SDCCAG8: variants seen among roughly 807,000 people sequenced by gnomAD.
SDCCAG8 encodes the protein serologically defined colon cancer antigen 8.
A neutral mutation model predicts 101.8 loss-of-function variants in SDCCAG8; 74 were observed. That is an observed-to-expected ratio of 0.73 (90% CI 0.60 to 0.88). SDCCAG8 has a LOEUF of 0.88. Ranked by LOEUF, SDCCAG8 falls within the 40% of genes least tolerant of loss-of-function variation. The pLI is 0.00. For missense variants in SDCCAG8, 787 were observed against 822.6 expected, an observed-to-expected ratio of 0.96 and a Z score of 0.53; for synonymous variants, 281 against 292.9, an observed-to-expected ratio of 0.96 and a Z score of 0.41.
chr1:243,311,382 C>T (rs946874167), intron 8 of SDCCAG8, among the ~76,000 whole-genome samples: 3 of 151,640 alleles, frequency 2.0e-5, no homozygotes, highest in Admixed American at 6.6e-5. Flanking sequence ...TTTTCCCCTT[C>T]GAGGTTCATA....
chr1:243,384,554 C>T (rs2147923140), intron 13 of SDCCAG8, among the ~76,000 whole-genome samples: 1 of 151,720 alleles, frequency 6.6e-6, no homozygotes, highest in African/African-American at 2.4e-5. Context: ...TAGTAAAGTG[C>T]ACCAGGCCTC....
intron 16 of SDCCAG8, among the ~76,000 whole-genome samples, chr1:243,477,585 T>C (rs909235784): frequency 6.6e-6 from 1 of 152,266 alleles, no homozygotes; most frequent in Admixed American, 6.5e-5. Context: ...ACAGATCTAA[T>C]TGCCCTAAGA....
chr1:243,367,828 A>G (rs1011644441), intron 12 of SDCCAG8, among the ~76,000 whole-genome samples: 7 of 151,020 alleles, frequency 4.6e-5, no homozygotes, highest in African/African-American at 1.7e-4. Flanking sequence ...GTATAAAATT[A>G]GTCTTATATA....
intron 16 of SDCCAG8, among the ~76,000 whole-genome samples, chr1:243,462,872 A>AC (rs1659409965): frequency 6.6e-6 from 1 of 152,174 alleles, no homozygotes; most frequent in African/African-American, 2.4e-5. Flanking sequence ...ACAAAACAAA[A>AC]AAAAACCCTA....
At chr1:243,445,254 C>G (rs1457644350) in intron 16 of SDCCAG8, among the ~76,000 whole-genome samples, 1 of 152,166 alleles carries the variant, frequency 6.6e-6, no homozygotes, top group African/African-American at 2.4e-5. Flanking sequence ...AACTTCACCT[C>G]TTGTCGTCTA....
chr1:243,496,573 G>C (rs1667962759), intron 17 of SDCCAG8, among the ~76,000 whole-genome samples: 1 of 152,240 alleles, frequency 6.6e-6, no homozygotes, highest in Admixed American at 6.5e-5. Context: ...GTTACCTTCA[G>C]AAGGGTTGGC....
chr1:243,325,840 T>C (rs1289215198), intron 9 of SDCCAG8, among the ~76,000 whole-genome samples: 1 of 152,196 alleles, frequency 6.6e-6, no homozygotes, highest in Non-Finnish European at 1.5e-5. Context: ...TCAATAAATA[T>C]TTTTGTTTGA....
intron 12 of SDCCAG8, among the ~76,000 whole-genome samples, chr1:243,354,562 G>A (rs1330578540): frequency 6.6e-6 from 1 of 152,240 alleles, no homozygotes; most frequent in Non-Finnish European, 1.5e-5. Flanking sequence ...GTCAAAGGTA[G>A]TATTGTGCGA....
chr1:243,315,412 A>G (rs1411608987), intron 8 of SDCCAG8, among the ~76,000 whole-genome samples: 1 of 152,024 alleles, frequency 6.6e-6, no homozygotes, highest in Non-Finnish European at 1.5e-5. Flanking sequence ...TTCTTTTTTC[A>G]TTTCCTTGGA....
intron 12 of SDCCAG8, among the ~76,000 whole-genome samples, chr1:243,358,031 G>C (rs2147841224): frequency 6.6e-6 from 1 of 152,142 alleles, no homozygotes; most frequent in Admixed American, 6.5e-5. Flanking sequence ...CTTTGGATTA[G>C]GTAATGGTTT....
chr1:243,336,456 T>C (rs2783967), intron 10 of SDCCAG8, among the ~76,000 whole-genome samples: 74,826 of 151,692 alleles, frequency 0.49, 19,541 homozygotes, highest in East Asian at 0.74. Flanking sequence ...AATTGGCTCA[T>C]GGTTCTGCAG....
intron 5 of SDCCAG8, among the ~76,000 whole-genome samples, chr1:243,291,956 C>T (rs1302780528): frequency 2.0e-5 from 3 of 152,166 alleles, no homozygotes; most frequent in African/African-American, 4.8e-5. Context: ...TATAATGGCT[C>T]ACAAAATTCA....
intron 16 of SDCCAG8, among the ~76,000 whole-genome samples, chr1:243,455,374 A>G (rs945310945): frequency 1.3e-5 from 2 of 152,130 alleles, no homozygotes; most frequent in Non-Finnish European, 2.9e-5. Flanking sequence ...GGTTCAAGCA[A>G]TTCTCCTGCC....
intron 9 of SDCCAG8, chr1:243,318,417 C>A: frequency 4.1e-6 from 1 of 240,984 alleles, no homozygotes; most frequent in Non-Finnish European, 6.7e-6. Context: ...GGGCTTAATA[C>A]CTGGGTGATA....
At chr1:243,308,259 T>C in intron 8 of SDCCAG8, 82 bp downstream of exon 8, 1 of 1,357,032 alleles carries the variant, frequency 7.4e-7, no homozygotes, top group Non-Finnish European at 1.1e-6. Context: ...CTTCTAGCCC[T>C]ATGCTAAGTC....
chr1:243,386,292 C>A (rs2078282530), intron 13 of SDCCAG8, among the ~76,000 whole-genome samples: 1 of 152,196 alleles, frequency 6.6e-6, no homozygotes, highest in African/African-American at 2.4e-5. Context: ...AAAGCTTGTA[C>A]CCTTATCCAT....
chr1:243,484,862 C>A (rs112280924), intron 16 of SDCCAG8, among the ~76,000 whole-genome samples: 2 of 151,844 alleles, frequency 1.3e-5, no homozygotes, highest in Non-Finnish European at 2.9e-5. Flanking sequence ...TGGCCAACAT[C>A]GTGAAACCCC....
chr1:243,350,232 G>A (rs1360802823), intron 12 of SDCCAG8, among the ~76,000 whole-genome samples: 3 of 151,188 alleles, frequency 2.0e-5, no homozygotes, highest in Non-Finnish European at 4.4e-5. Context: ...TTTTTGAGAC[G>A]GAGTCTCATA....
At chr1:243,388,088 G>A (rs530096350) in intron 13 of SDCCAG8, among the ~76,000 whole-genome samples, 1 of 152,220 alleles carries the variant, frequency 6.6e-6, no homozygotes, top group Non-Finnish European at 1.5e-5. Context: ...GACTTTTTGG[G>A]TGAACTGAAA....
Sources: gnomAD v4.1 joint callset for allele counts (sites outside exome capture counted in the v4.1 genomes callset) on GRCh38, gnomAD v4.1.1 for gene constraint, MANE v1.5 for transcripts, NCBI Gene and HGNC (gene_info 2026-07-23, HGNC 2026-07-21) for gene names.